PUM1: variants seen among roughly 807,000 people sequenced by gnomAD.
PUM1 encodes the protein pumilio homolog 1.
A neutral mutation model predicts 131.8 loss-of-function variants in PUM1; 13 were observed. The ratio of observed to expected loss-of-function variants is 0.10; its 90% CI spans 0.06 to 0.16. The LOEUF is 0.16. Among genes scored for constraint, PUM1 ranks in the 10% least tolerant of loss-of-function variants. PUM1 has a pLI of 1.00. For synonymous variants in PUM1, 509 were observed against 556.5 expected (o/e 0.91, Z 1.20); for missense variants, 961 against 1,512.4 (o/e 0.64, Z 6.05).
rs867679418 is a variant in PUM1 at position 31,019,126 on chromosome 1, G to A, written c.432+9670C>T. ...CTAGCTCTTTGGGAGGCTGAGGCGAGCGAATCGCTTGAGCCCAGATTTTCA... is the reference window on the plus strand; with the variant it reads ...CTAGCTCTTTGGGAGGCTGAGGCGAACGAATCGCTTGAGCCCAGATTTTCA... On this transcript the variant is annotated intron_variant, in intron 3 of 21. Coordinates refer to ENST00000426105, the MANE Select transcript of PUM1 (RefSeq NM_001020658.2). Among the ~76,000 whole-genome samples, 4 of 152,162 alleles carry A rather than the reference G, an allele frequency of 2.6e-5. No homozygotes were observed. In the South Asian group the frequency reaches 8.3e-4, roughly 32 times the overall value.
intron 3 of PUM1, among the ~76,000 whole-genome samples, chr1:31,022,456 T>C (rs543997229): frequency 1.3e-5 from 2 of 152,364 alleles, no homozygotes; most frequent in South Asian, 2.1e-4. Flanking sequence ...TACAGTAGTA[T>C]GTTCCTGGTC....
rs897695659 is a variant in PUM1, at chr1:30,981,246, A to G, written c.1252+66T>C. Reference sequence around the variant, plus strand: ...ATCAGTTTAAATTACTGGGTTTCACAGCAACCAGTTATCCTAAAATGGCGG... The same window carrying G: ...ATCAGTTTAAATTACTGGGTTTCACGGCAACCAGTTATCCTAAAATGGCGG... On this transcript the variant is annotated intron_variant, in intron 8 of 21. Coordinates refer to ENST00000426105, the MANE Select transcript of PUM1 (RefSeq NM_001020658.2). The G allele has an allele frequency of 5.8e-6, 6 of 1,036,158 alleles. No homozygotes were observed. In the African/African-American group the frequency reaches 6.5e-5, roughly 11 times the overall value. The allele number at this position is 1,036,158 out of a possible 1,614,324, so 64.2% of individuals were successfully genotyped here.
chr1:30,957,084 T>TCACACACACACA (rs1300737379), intron 14 of PUM1, among the ~76,000 whole-genome samples: 2 of 50,608 alleles, frequency 4.0e-5, no homozygotes, highest in Admixed American at 1.7e-4. Context: ...ACAAGGACAT[T>TCACACACACACA]CATACACACA....
intron 3 of PUM1, among the ~76,000 whole-genome samples, chr1:31,008,485 G>A (rs1038288033): frequency 2.0e-5 from 3 of 152,062 alleles, no homozygotes; most frequent in Non-Finnish European, 4.4e-5. Flanking sequence ...CAGTCTTCCT[G>A]GTGTACCACT....
chr1:31,057,619 G>A lies in PUM1; in HGVS notation c.363+1585C>T, dbSNP rs1026447784. Among the ~76,000 whole-genome samples the A allele has an allele frequency of 8.0e-5, 12 of 150,480 alleles. 1 individual carries two copies. The highest frequency in any genetic ancestry group is 4.6e-4 in the Admixed American group (7 of 15,076). On this transcript the variant is annotated intron_variant, in intron 2 of 21. Transcript: ENST00000426105. ...GGGTGCCTGTAATCCCAGCTACTCGGGAAGGTAAGGCAGGAGAATTGCTTA... is the reference window on the plus strand; with the variant it reads ...GGGTGCCTGTAATCCCAGCTACTCGAGAAGGTAAGGCAGGAGAATTGCTTA...
At chr1:31,064,913 C>CCTA (rs1227078360) in intron 1 of PUM1, among the ~76,000 whole-genome samples, 1 of 152,008 alleles carries the variant, frequency 6.6e-6, no homozygotes. Flanking sequence ...TCTAGATTTT[C>CCTA]CTACTAGCAA....
chr1:30,952,668 T>C (rs1639981279), intron 15 of PUM1, among the ~76,000 whole-genome samples: 1 of 22,022 alleles, frequency 4.5e-5, no homozygotes, highest in African/African-American at 1.6e-4. Context: ...GGAGGGAAGA[T>C]GAAAGCGGGG....
chr1:30,998,524 G>A (rs1033864257), intron 5 of PUM1, among the ~76,000 whole-genome samples: 2 of 152,130 alleles, frequency 1.3e-5, no homozygotes, highest in Admixed American at 1.3e-4. Context: ...TGCGCCTGTA[G>A]TCCTTGCTAC....
chr1:31,007,767 A>T (rs1642444673), intron 3 of PUM1, among the ~76,000 whole-genome samples: 1 of 152,230 alleles, frequency 6.6e-6, no homozygotes, highest in Non-Finnish European at 1.5e-5. Context: ...TTCACAAATC[A>T]CTCCATGCTT....
intron 20 of PUM1, among the ~76,000 whole-genome samples, chr1:30,938,156 C>T (rs938764554): frequency 1.8e-4 from 28 of 152,302 alleles, no homozygotes; most frequent in African/African-American, 5.1e-4. Context: ...CCTTCTGCCT[C>T]GGCCTTCCAA....
intron 11 of PUM1, 151 bp from the exon 12 acceptor site, chr1:30,967,461 C>T (rs1640668949): frequency 4.5e-6 from 3 of 665,626 alleles, no homozygotes. Flanking sequence ...GTTGAATAAA[C>T]AGAGGCTACA....
At chr1:31,031,120 G>T (rs1291833552) in intron 2 of PUM1, among the ~76,000 whole-genome samples, 1 of 150,760 alleles carries the variant, frequency 6.6e-6, no homozygotes, top group Non-Finnish European at 1.5e-5. Context: ...AAGGAGGGTA[G>T]GGAGGATGAA....
chr1:30,984,593 A>G (rs751827302), intron 7 of PUM1, among the ~76,000 whole-genome samples: 1 of 152,212 alleles, frequency 6.6e-6, no homozygotes, highest in Non-Finnish European at 1.5e-5. Flanking sequence ...AAAATGTATC[A>G]TCTACTTCAA....
intron 7 of PUM1, among the ~76,000 whole-genome samples, chr1:30,988,021 T>G (rs1180046902): frequency 6.6e-6 from 1 of 152,186 alleles, no homozygotes; most frequent in African/African-American, 2.4e-5. Context: ...TAATTAACTT[T>G]GTTTTTAAAT....
intron 2 of PUM1, among the ~76,000 whole-genome samples, chr1:31,041,814 T>G (rs1643824692): frequency 6.6e-6 from 1 of 152,100 alleles, no homozygotes; most frequent in Non-Finnish European, 1.5e-5. Flanking sequence ...TGTTATAAAT[T>G]GCCCAGTCTC....
chr1:30,933,316 A>G lies in PUM1; in HGVS notation c.3462T>C (p.Arg1154=), dbSNP rs759318351. The change falls in exon 22 of 22, where the codon CGT becomes CGC. Residue 1154 remains arginine (R), a synonymous_variant. Transcript: ENST00000426105. ...GAATGTGCTTGCCATAGGTGTACTT[A>G]CGAAGAGTTGCGATGTGGGGCCGGA... ...HKIRPHIATL[R]KYTYGKHILA... 19 of 1,613,816 alleles carry G rather than the reference A, an allele frequency of 1.2e-5. No homozygotes were observed. The highest frequency in any genetic ancestry group is 1.7e-5 in the Admixed American group (1 of 59,986).
At chr1:31,024,300 C>T (rs146675315) in intron 3 of PUM1, among the ~76,000 whole-genome samples, 94 of 152,300 alleles carry the variant, frequency 6.2e-4, no homozygotes, top group African/African-American at 2.1e-3. Context: ...AATCACTATC[C>T]AATTCCTCCC....
At chr1:31,050,777 C>T (rs1557605703) in intron 2 of PUM1, 1 of 154,430 alleles carries the variant, frequency 6.5e-6, no homozygotes, top group Non-Finnish European at 1.5e-5. Flanking sequence ...TACTTGGGCT[C>T]CCTCCCAGTT....
chr1:30,999,323 C>A (rs935164145), intron 5 of PUM1, among the ~76,000 whole-genome samples: 3 of 152,058 alleles, frequency 2.0e-5, no homozygotes, highest in African/African-American at 7.2e-5. Flanking sequence ...AAATACTGAA[C>A]CCGCCAGGTG....
Sources: allele counts gnomAD v4.1 joint callset (sites outside exome capture counted in the v4.1 genomes callset), GRCh38; gene constraint gnomAD v4.1.1; transcripts MANE v1.5; gene names NCBI Gene and HGNC (gene_info 2026-07-23, HGNC 2026-07-21).